Variants in MTUS2 observed in about 807,000 individuals in gnomAD.
MTUS2 encodes microtubule-associated tumor suppressor candidate 2.
A neutral mutation model predicts 114.1 loss-of-function variants in MTUS2; 40 were observed. The observed-to-expected ratio is 0.35, with a 90% confidence interval of 0.27 to 0.46. MTUS2 has a LOEUF of 0.46. MTUS2 is among the 20% of genes least tolerant of loss of function. The pLI is 1.00. For synonymous variants in MTUS2, 688 were observed against 672.0 expected, an observed-to-expected ratio of 1.02 and a Z score of -0.37; for missense variants, 1,679 against 1,705.4, an observed-to-expected ratio of 0.98 and a Z score of 0.27.
At chr13:29,271,029 TTTAAAG>T (rs1460572542) in intron 5 of MTUS2, among the ~76,000 whole-genome samples, 3 of 152,202 alleles carry the variant, frequency 2.0e-5, no homozygotes, top group African/African-American at 4.8e-5. Flanking sequence ...AAATTAGAAA[TTTAAAG>T]TTAAAGATAT....
chr13:28,825,371 C>G (rs2137928531), intron 1 of MTUS2, among the ~76,000 whole-genome samples: 1 of 152,296 alleles, frequency 6.6e-6, no homozygotes, highest in East Asian at 1.9e-4. Context: ...AAGATGTGGA[C>G]AGTGGAAACC....
chr13:29,447,745 G>A lies in MTUS2; in HGVS notation c.3184+7696G>A, dbSNP rs3924317. Among the ~76,000 whole-genome samples, 5 of 151,960 alleles carry A rather than the reference G, an allele frequency of 3.3e-5. No individual in the cohort carries two copies. In the South Asian group the frequency reaches 8.4e-4, roughly 26 times the overall value. ...GAAAAGGCTTCCCCAGGTGGTGGTG[G>A]TTGTGGGGATTAAAGGGCATTTTGG... On this transcript the variant is annotated intron_variant, in intron 9 of 15. Transcript: ENST00000612955.
intron 5 of MTUS2, among the ~76,000 whole-genome samples, chr13:29,265,419 C>T (rs188406912): frequency 2.3e-4 from 35 of 152,342 alleles, no homozygotes; most frequent in Admixed American, 4.6e-4. Context: ...GCCTTCCAAA[C>T]TCTTTCAACC....
At position 28,823,946 on chromosome 13, in the gene MTUS2, C is replaced by T. The variant is rs145201270; in HGVS notation, c.-316+3335C>T. The stretch of plus-strand genomic sequence containing the variant: ...CAGATTTCATGAGAACTTACTGTCG[C>T]GAGAACAACATGAGGGTAGTTCCCC... On this transcript the variant is annotated intron_variant, in intron 1 of 15. Transcript: ENST00000612955. Among the ~76,000 whole-genome samples, 529 of 152,206 alleles carry T rather than the reference C, an allele frequency of 3.5e-3. 2 individuals carry two copies. Among genetic ancestry groups the T allele is most frequent in the Non-Finnish European group, 5.9e-3 (400 of 68,020 alleles).
chr13:29,047,320 T>G (rs942637388), intron 4 of MTUS2, among the ~76,000 whole-genome samples: 1 of 152,144 alleles, frequency 6.6e-6, no homozygotes, highest in African/African-American at 2.4e-5. Context: ...GCTCTCAGTC[T>G]TCTGTAGCTC....
intron 5 of MTUS2, among the ~76,000 whole-genome samples, chr13:29,124,228 TC>T (rs1224332246): frequency 1.3e-5 from 2 of 152,298 alleles, no homozygotes; most frequent in Admixed American, 6.5e-5. Flanking sequence ...CTTGGTTCTT[TC>T]CATTACAGGT....
chr13:29,220,155 C>G (rs1895851491), intron 5 of MTUS2, among the ~76,000 whole-genome samples: 1 of 152,080 alleles, frequency 6.6e-6, no homozygotes, highest in Non-Finnish European at 1.5e-5. Flanking sequence ...GCCACCATGA[C>G]CAGCTGACTT....
At chr13:29,129,522 G>A (rs1891664553) in intron 5 of MTUS2, among the ~76,000 whole-genome samples, 2 of 152,106 alleles carry the variant, frequency 1.3e-5, no homozygotes, top group South Asian at 4.1e-4. Context: ...TAGTAAAGAT[G>A]ACTGTTTTCT....
intron 5 of MTUS2, among the ~76,000 whole-genome samples, chr13:29,110,564 T>C (rs1203161045): frequency 6.6e-6 from 1 of 152,236 alleles, no homozygotes; most frequent in Non-Finnish European, 1.5e-5. Context: ...AATGGAATCA[T>C]TTTTAGTGAA....
chr13:28,953,949 A>T (rs774204496), intron 2 of MTUS2, among the ~76,000 whole-genome samples: 1 of 152,220 alleles, frequency 6.6e-6, no homozygotes. Flanking sequence ...GTTAAAACAT[A>T]CTATAAGGGC....
At chr13:28,829,813 G>A (rs142406742) in intron 1 of MTUS2, among the ~76,000 whole-genome samples, 251 of 152,314 alleles carry the variant, frequency 1.6e-3, no homozygotes, top group African/African-American at 5.5e-3. Context: ...ATTGGAAAAG[G>A]AGCTACCTAT....
intron 6 of MTUS2, among the ~76,000 whole-genome samples, chr13:29,324,319 G>A (rs539921581): frequency 6.6e-6 from 1 of 152,102 alleles, no homozygotes; most frequent in Non-Finnish European, 1.5e-5. Context: ...CAGATAGTTT[G>A]GTCAGGGTCA....
intron 4 of MTUS2, among the ~76,000 whole-genome samples, chr13:29,097,784 C>G (rs757184232): frequency 1.3e-5 from 2 of 152,122 alleles, no homozygotes; most frequent in Non-Finnish European, 2.9e-5. Context: ...GGGCTCCATT[C>G]TTATAACCTA....
At chr13:29,429,415 A>G (rs1248779720) in intron 8 of MTUS2, among the ~76,000 whole-genome samples, 1 of 152,246 alleles carries the variant, frequency 6.6e-6, no homozygotes, top group Non-Finnish European at 1.5e-5. Flanking sequence ...ACTTCTTTGC[A>G]TCACAGAGAG....
intron 4 of MTUS2, among the ~76,000 whole-genome samples, chr13:29,038,122 G>A (rs1887168418): frequency 6.6e-6 from 1 of 152,166 alleles, no homozygotes; most frequent in Non-Finnish European, 1.5e-5. Flanking sequence ...CAGCCTTTTT[G>A]TGCTGGTTTT....
Position 29,480,275 on chromosome 13 carries a change from C to T in MTUS2, c.3310C>T (p.Leu1104=), listed in dbSNP as rs1168475310. 1.3e-6 allele frequency: 2 copies of T among 1,554,644 alleles called. No homozygotes were observed. Among genetic ancestry groups the T allele is most frequent in the East Asian group, 4.8e-5 (2 of 41,284 alleles). Residue 1104 remains leucine, a synonymous_variant, in exon 10 of 16, where the codon CTG becomes TTG. Transcript: ENST00000612955. The surrounding 1 kb of genome is among the most constrained non-coding windows in gnomAD (Gnocchi z 4.4). ...QAELQELEER[L]QLQFEAEMAR... is the part of the protein sequence containing the mutation. ...CGAGCTCCAGGAGCTGGAGGAGCGG[C>T]TGCAGCTGCAATTCGAGGCGGAAAT...
At chr13:28,897,720 C>G (rs1879366175) in intron 2 of MTUS2, among the ~76,000 whole-genome samples, 1 of 152,030 alleles carries the variant, frequency 6.6e-6, no homozygotes. Context: ...TGCTATGCAG[C>G]CATAAAAAAT....
chr13:28,981,020 C>T (rs980917469), intron 2 of MTUS2, among the ~76,000 whole-genome samples: 5 of 152,182 alleles, frequency 3.3e-5, no homozygotes, highest in Non-Finnish European at 5.9e-5. Flanking sequence ...TAAGACTTTC[C>T]GATTTTTCTC....
At chr13:29,299,583 G>A (rs1899102732) in intron 6 of MTUS2, among the ~76,000 whole-genome samples, 1 of 152,126 alleles carries the variant, frequency 6.6e-6, no homozygotes, top group African/African-American at 2.4e-5. Context: ...AGGCCATATG[G>A]TGCAGAGACA....
Sources: allele counts gnomAD v4.1 joint callset (sites outside exome capture counted in the v4.1 genomes callset), GRCh38; gene constraint gnomAD v4.1.1; non-coding constraint Gnocchi (gnomAD v3.1); transcripts MANE v1.5; gene names NCBI Gene and HGNC (gene_info 2026-07-23, HGNC 2026-07-21).